Variants in NAALADL2 observed in about 807,000 individuals in gnomAD.
NAALADL2 encodes inactive N-acetylated-alpha-linked acidic dipeptidase-like protein 2.
In NAALADL2, 76 loss-of-function variants were observed where a neutral mutation model predicts 87.2. The observed-to-expected ratio is 0.87, with a 90% CI of 0.72 to 1.05. The LOEUF is 1.05. Among genes scored for constraint, NAALADL2 ranks in the 50% least tolerant of loss-of-function variants. The pLI, the probability that NAALADL2 is intolerant of heterozygous loss-of-function variation, is 0.00. For synonymous variants in NAALADL2, 354 were observed against 331.0 expected (o/e 1.07, Z -0.75); for missense variants, 1,089 against 945.8 (o/e 1.15, Z -1.99).
intron 5 of NAALADL2, among the ~76,000 whole-genome samples, chr3:175,420,363 AC>A (rs2149119602): frequency 6.6e-6 from 1 of 152,098 alleles, no homozygotes; most frequent in African/African-American, 2.4e-5. Context: ...CTGAAGGGTC[AC>A]AGAATAAGAT....
chr3:174,767,903 A>G lies in NAALADL2; in HGVS notation c.-9+30157A>G, dbSNP rs112115458. On this transcript the variant is annotated intron_variant, in intron 3 of 3. Coordinates refer to the NAALADL2 transcript ENST00000434257. The stretch of plus-strand genomic sequence containing the variant: ...ATGCGAAGTACAAGAGGTTATGTCA[A>G]TGTTCAAAACTGAGAGGTTTGTGGT... Among the ~76,000 whole-genome samples the G allele has an allele frequency of 8.4e-3, 1,287 of 152,330 alleles. 27 individuals are homozygous for G. Among genetic ancestry groups the G allele is most frequent in the African/African-American group, 0.029 (1,215 of 41,588 alleles).
At chr3:174,764,414 A>T (rs1436377934) in intron 3 of NAALADL2, among the ~76,000 whole-genome samples, 1 of 152,228 alleles carries the variant, frequency 6.6e-6, no homozygotes, top group East Asian at 1.9e-4. Flanking sequence ...GATTGAGGCC[A>T]TCCTGGCCAA....
intron 1 of NAALADL2, among the ~76,000 whole-genome samples, chr3:174,547,111 G>GTT (rs1722829933): frequency 3.3e-5 from 5 of 152,096 alleles, no homozygotes; most frequent in African/African-American, 7.2e-5. Context: ...ATTTTATAAT[G>GTT]TGGGACTCAA....
chr3:175,040,447 G>C (rs1391074588), intron 1 of NAALADL2, among the ~76,000 whole-genome samples: 2 of 152,146 alleles, frequency 1.3e-5, no homozygotes, highest in Non-Finnish European at 2.9e-5. Flanking sequence ...AGTACTTCTA[G>C]CCTTGTGGTA....
intron 9 of NAALADL2, 147 bp from the exon 10 acceptor site, chr3:175,575,894 C>A: frequency 1.7e-6 from 1 of 584,250 alleles, no homozygotes; most frequent in Non-Finnish European, 2.9e-6. Flanking sequence ...TTAGGTAGGA[C>A]AGTGTGGGGC....
intron 2 of NAALADL2, among the ~76,000 whole-genome samples, chr3:175,157,790 A>G (rs1048656984): frequency 1.3e-5 from 2 of 152,090 alleles, no homozygotes; most frequent in African/African-American, 4.8e-5. Context: ...TTTCAGACAG[A>G]TGTAATTCAA....
At chr3:174,520,354 C>T (rs1434712075) in intron 1 of NAALADL2, among the ~76,000 whole-genome samples, 1 of 152,024 alleles carries the variant, frequency 6.6e-6, no homozygotes, top group Non-Finnish European at 1.5e-5. Context: ...AGTACTGGTA[C>T]AAAAATAGGA....
In NAALADL2 at chr3:175,306,864, G is replaced by T. The variant is rs370949249; in HGVS notation, c.940-17311G>T. On this transcript the variant is annotated intron_variant, in intron 4 of 13. Coordinates refer to ENST00000454872, the MANE Select transcript of NAALADL2 (RefSeq NM_207015.3). ...AGAGATACTCTATAGGACTATTCTA[G>T]AATCATTACTCCTTAATCCAAGTTT... Among the ~76,000 whole-genome samples the T allele has an allele frequency of 3.3e-5, 5 of 152,016 alleles. No homozygotes were observed. In the South Asian group the frequency reaches 8.3e-4, roughly 25 times the overall value.
intron 9 of NAALADL2, among the ~76,000 whole-genome samples, chr3:175,531,202 A>G (rs139287010): frequency 8.5e-5 from 13 of 152,116 alleles, no homozygotes; most frequent in Non-Finnish European, 1.8e-4. Context: ...CATTCGATAA[A>G]TGGGCCAGAA....
chr3:175,035,328 A>G (rs1753281964), intron 1 of NAALADL2, among the ~76,000 whole-genome samples: 3 of 152,320 alleles, frequency 2.0e-5, no homozygotes, highest in African/African-American at 7.2e-5. Context: ...GGATAGAAGG[A>G]CGAAGATAAT....
chr3:175,141,455 A>C (rs1227398512), intron 2 of NAALADL2, among the ~76,000 whole-genome samples: 1 of 152,136 alleles, frequency 6.6e-6, no homozygotes, highest in Non-Finnish European at 1.5e-5. Context: ...GAAGGTGAAG[A>C]CAGGAGTTTT....
At chr3:175,011,890 G>A (rs942896648) in intron 1 of NAALADL2, among the ~76,000 whole-genome samples, 6 of 152,116 alleles carry the variant, frequency 3.9e-5, no homozygotes. Context: ...ATAAAATTAA[G>A]TAGTATTATA....
chr3:175,326,171 G>A (rs952027792), intron 5 of NAALADL2, among the ~76,000 whole-genome samples: 8 of 152,064 alleles, frequency 5.3e-5, no homozygotes, highest in East Asian at 1.9e-4. Flanking sequence ...AAAGCCCTAC[G>A]GCATGGACAC....
intron 2 of NAALADL2, among the ~76,000 whole-genome samples, chr3:174,562,441 T>A (rs371074602): frequency 6.6e-6 from 1 of 152,126 alleles, no homozygotes; most frequent in African/African-American, 2.4e-5. Flanking sequence ...AAGAATAATA[T>A]GTGAAAAATA....
chr3:175,532,835 A>G (rs1232282496), intron 9 of NAALADL2, among the ~76,000 whole-genome samples: 1 of 152,190 alleles, frequency 6.6e-6, no homozygotes, highest in Non-Finnish European at 1.5e-5. Context: ...GAGCAATTAC[A>G]GGGCTCTTCA....
intron 5 of NAALADL2, among the ~76,000 whole-genome samples, chr3:175,429,504 T>A (rs1252430455): frequency 6.6e-6 from 1 of 152,002 alleles, no homozygotes; most frequent in Non-Finnish European, 1.5e-5. Context: ...ATGTGTCCTA[T>A]CCTATAGTGC....
intron 11 of NAALADL2, among the ~76,000 whole-genome samples, chr3:175,667,272 A>T (rs1161622929): frequency 3.3e-5 from 5 of 151,568 alleles, no homozygotes. Flanking sequence ...AAAGGAAGGA[A>T]GGGATGGGGA....
intron 3 of NAALADL2, among the ~76,000 whole-genome samples, chr3:174,813,476 G>T (rs915053665): frequency 1.3e-5 from 2 of 152,128 alleles, no homozygotes; most frequent in African/African-American, 4.8e-5. Flanking sequence ...TTAATAAAAG[G>T]CTGTAGAGGT....
chr3:174,794,596 G>A (rs1022885263), intron 3 of NAALADL2, among the ~76,000 whole-genome samples: 3 of 152,138 alleles, frequency 2.0e-5, no homozygotes, highest in Non-Finnish European at 4.4e-5. Context: ...TCAAAGAAAA[G>A]CATTCTCTGC....
Sources: allele counts gnomAD v4.1 joint callset (sites outside exome capture counted in the v4.1 genomes callset), GRCh38; gene constraint gnomAD v4.1.1; transcripts MANE v1.5; gene names NCBI Gene and HGNC (gene_info 2026-07-23, HGNC 2026-07-21).